Variants in NAALADL2 observed in about 807,000 individuals in gnomAD.
NAALADL2 encodes the protein inactive N-acetylated-alpha-linked acidic dipeptidase-like protein 2.
NAALADL2 carries 76 observed loss-of-function variants against 87.2 expected under a neutral mutation model. That is an observed-to-expected ratio of 0.87 (90% CI 0.72 to 1.05). The LOEUF (loss-of-function observed/expected upper bound fraction) is 1.05, where lower values mean the gene tolerates loss of function less well. Ranked by LOEUF, NAALADL2 falls within the 50% of genes least tolerant of loss-of-function variation. The pLI is 0.00. For missense variants in NAALADL2, 1,089 were observed against 945.8 expected (o/e 1.15, Z -1.99); for synonymous variants, 354 against 331.0 (o/e 1.07, Z -0.75).
chr3:174,711,638 C>T (rs1417110461), intron 2 of NAALADL2, among the ~76,000 whole-genome samples: 2 of 152,044 alleles, frequency 1.3e-5, no homozygotes, highest in African/African-American at 2.4e-5. Flanking sequence ...TTTATTCTCC[C>T]CAAATTATAG....
At chr3:174,748,556 G>A (rs537607412) in intron 3 of NAALADL2, among the ~76,000 whole-genome samples, 3 of 152,198 alleles carry the variant, frequency 2.0e-5, no homozygotes, top group African/African-American at 4.8e-5. Context: ...TACATTTGTG[G>A]TGATTTGTTA....
At chr3:175,101,511 CTAATAATG>C (rs978625777) in intron 2 of NAALADL2, among the ~76,000 whole-genome samples, 23 of 152,258 alleles carry the variant, frequency 1.5e-4, no homozygotes, top group Non-Finnish European at 2.8e-4. Context: ...CACCAAGCCT[CTAATAATG>C]TATTTTTTAT....
intron 1 of NAALADL2, among the ~76,000 whole-genome samples, chr3:175,042,233 T>C: frequency 6.6e-6 from 1 of 152,186 alleles, no homozygotes; most frequent in East Asian, 1.9e-4. Flanking sequence ...ATTTATGTTA[T>C]CACAAATGGC....
At chr3:175,008,887 A>C (rs969185289) in intron 1 of NAALADL2, among the ~76,000 whole-genome samples, 1 of 152,188 alleles carries the variant, frequency 6.6e-6, no homozygotes, top group Non-Finnish European at 1.5e-5. Flanking sequence ...GTTCAGTAAG[A>C]TGCAAAGGAA....
At chr3:174,954,918 G>C (rs954832352) in intron 1 of NAALADL2, among the ~76,000 whole-genome samples, 5 of 152,002 alleles carry the variant, frequency 3.3e-5, no homozygotes, top group African/African-American at 1.2e-4. Context: ...CACTTAATTT[G>C]CAGTTTTAAT....
intron 1 of NAALADL2, among the ~76,000 whole-genome samples, chr3:174,507,038 G>C (rs556326778): frequency 2.0e-5 from 3 of 151,362 alleles, no homozygotes; most frequent in African/African-American, 7.3e-5. Flanking sequence ...CCTTATTTCT[G>C]GTTTCTGGCT....
chr3:174,933,498 G>GT (rs1455327895), intron 1 of NAALADL2, among the ~76,000 whole-genome samples: 3 of 152,170 alleles, frequency 2.0e-5, no homozygotes, highest in African/African-American at 7.2e-5. Flanking sequence ...CTGACACTTA[G>GT]TTAATTTTCC....
chr3:174,686,721 G>T (rs1229122583), intron 2 of NAALADL2, among the ~76,000 whole-genome samples: 1 of 152,084 alleles, frequency 6.6e-6, no homozygotes, highest in Middle Eastern at 3.4e-3. Flanking sequence ...AATGGTGCTG[G>T]GATAACTGGC....
intron 8 of NAALADL2, among the ~76,000 whole-genome samples, chr3:175,468,178 T>C (rs1473121497): frequency 6.6e-6 from 1 of 152,142 alleles, no homozygotes. Context: ...CTTTTTTAAT[T>C]TGAAGTAAAG....
At chr3:174,938,933 G>T (rs1162183343) in intron 1 of NAALADL2, among the ~76,000 whole-genome samples, 2 of 151,920 alleles carry the variant, frequency 1.3e-5, no homozygotes, top group African/African-American at 2.4e-5. Flanking sequence ...CCTTTGTCAG[G>T]TGCAGAGTAA....
chr3:174,968,195 G>C (rs1743134586), intron 1 of NAALADL2, among the ~76,000 whole-genome samples: 1 of 152,084 alleles, frequency 6.6e-6, no homozygotes, highest in South Asian at 2.1e-4. Flanking sequence ...GCCAGAGATG[G>C]TCTGTTACTC....
intron 3 of NAALADL2, among the ~76,000 whole-genome samples, chr3:174,786,096 G>A (rs1212973754): frequency 2.0e-5 from 3 of 152,070 alleles, no homozygotes; most frequent in African/African-American, 7.2e-5. Context: ...ATTTAAATTA[G>A]CATCATGCTG....
chr3:175,741,965 A>G (rs1008076970), intron 12 of NAALADL2, among the ~76,000 whole-genome samples: 1 of 152,232 alleles, frequency 6.6e-6, no homozygotes, highest in Non-Finnish European at 1.5e-5. Context: ...GGACCACTCA[A>G]AGGAGGGAGG....
In NAALADL2 at chr3:175,791,609, G is replaced by A. The variant is rs551878006; in HGVS notation, c.2190-11396G>A. Among the ~76,000 whole-genome samples the A allele has an allele frequency of 2.4e-4, 37 of 152,030 alleles. 1 individual carries two copies. In the South Asian group the frequency reaches 7.3e-3, roughly 30 times the overall value. ...TGTTCCCAATGCAATGGTGGCAGTG[G>A]GGGTATCTCAAACATTGATGTCCTA... On this transcript the variant is annotated intron_variant, in intron 13 of 13. Coordinates refer to ENST00000454872, the MANE Select transcript of NAALADL2 (RefSeq NM_207015.3).
At chr3:175,184,105 T>C (rs1218152642) in intron 2 of NAALADL2, among the ~76,000 whole-genome samples, 1 of 152,132 alleles carries the variant, frequency 6.6e-6, no homozygotes, top group African/African-American at 2.4e-5. Flanking sequence ...TGATGATGTC[T>C]CTCCATGTTC....
At chr3:175,622,664 G>A (rs1726394795) in intron 10 of NAALADL2, among the ~76,000 whole-genome samples, 1 of 152,098 alleles carries the variant, frequency 6.6e-6, no homozygotes, top group East Asian at 1.9e-4. Flanking sequence ...TCCATAAAGT[G>A]AAGGTGATTG....
At chr3:175,586,750 C>G (rs1173581438) in intron 10 of NAALADL2, among the ~76,000 whole-genome samples, 3 of 152,092 alleles carry the variant, frequency 2.0e-5, no homozygotes, top group African/African-American at 7.2e-5. Flanking sequence ...TTTACATATA[C>G]TACATGCTTA....
intron 1 of NAALADL2, among the ~76,000 whole-genome samples, chr3:174,463,738 C>A (rs1347421711): frequency 4.0e-5 from 6 of 151,374 alleles, no homozygotes; most frequent in Non-Finnish European, 8.8e-5. Flanking sequence ...GTAGCTGGGA[C>A]TACAGGCGCC....
chr3:175,390,964 C>A (rs1581696417), intron 5 of NAALADL2, among the ~76,000 whole-genome samples: 1 of 152,158 alleles, frequency 6.6e-6, no homozygotes, highest in East Asian at 1.9e-4. Flanking sequence ...ATAATTGTTA[C>A]TCTTCCCACA....
Sources: gnomAD v4.1 joint callset for allele counts (sites outside exome capture counted in the v4.1 genomes callset) on GRCh38, gnomAD v4.1.1 for gene constraint, MANE v1.5 for transcripts, NCBI Gene and HGNC (gene_info 2026-07-23, HGNC 2026-07-21) for gene names.